Variants in PCMT1 observed in about 807,000 individuals in gnomAD.
PCMT1 encodes the protein protein-L-isoaspartate(D-aspartate) O-methyltransferase.
A neutral mutation model predicts 29.2 loss-of-function variants in PCMT1; 9 were observed. The ratio of observed to expected loss-of-function variants is 0.31; its 90% CI spans 0.19 to 0.54. PCMT1 has a LOEUF of 0.54. Among genes scored for constraint, PCMT1 ranks in the 20% least tolerant of loss-of-function variants. PCMT1 has a pLI of 0.95. For missense variants in PCMT1, 184 were observed against 282.2 expected, an observed-to-expected ratio of 0.65 and a Z score of 2.49; for synonymous variants, 98 against 97.5, an observed-to-expected ratio of 1.00 and a Z score of -0.03.
intron 3 of PCMT1, among the ~76,000 whole-genome samples, chr6:149,774,240 CTTTTCTTTTTT>C (rs1449875897): frequency 2.0e-5 from 3 of 147,288 alleles, no homozygotes; most frequent in African/African-American, 7.9e-5. Flanking sequence ...TTTTCTTTTT[CTTTTCTTTTTT>C]TTTTTTGAGA....
rs1293474870 is a variant in PCMT1 at position 149,749,931 on chromosome 6, C to T, written c.30C>T (p.His10=). The part of the protein sequence containing the change: MAWKSGGAS[H]SELIHNLRKN... Reference sequence around the variant, plus strand: ...CCTGGAAATCCGGCGGCGCCAGCCACTCGGAGCTAATCCACAATCTCCGCA... The same window carrying T: ...CCTGGAAATCCGGCGGCGCCAGCCATTCGGAGCTAATCCACAATCTCCGCA... The change falls in exon 1 of 8, where the codon CAC becomes CAT. Residue 10 remains histidine, a synonymous_variant. Transcript: ENST00000464889. 1 of 1,610,958 alleles carries T rather than the reference C, an allele frequency of 6.2e-7. No individual in the cohort carries two copies. The highest frequency in any genetic ancestry group is 8.5e-7 in the Non-Finnish European group (1 of 1,178,820).
At chr6:149,788,624 G>C (rs1788221084) in intron 3 of PCMT1, among the ~76,000 whole-genome samples, 1 of 152,226 alleles carries the variant, frequency 6.6e-6, no homozygotes, top group African/African-American at 2.4e-5. Flanking sequence ...TGATGTCAGT[G>C]TGTCCCATAA....
chr6:149,749,698 G>A (rs577477954), upstream of PCMT1: 230 of 1,489,054 alleles, frequency 1.5e-4, no homozygotes, highest in African/African-American at 3.0e-3. Flanking sequence ...AAGCCGCGCG[G>A]CGTCACAGAG....
At chr6:149,806,086 C>G (rs976289269) in intron 7 of PCMT1, among the ~76,000 whole-genome samples, 1 of 151,754 alleles carries the variant, frequency 6.6e-6, no homozygotes, top group Non-Finnish European at 1.5e-5. Context: ...AAATATTTTT[C>G]AGCGTGAGGA....
In PCMT1 at chr6:149,802,371, T is replaced by G; in HGVS notation, c.676T>G (p.Trp226Gly). Residue 226 changes from tryptophan (W) to glycine (G), a missense_variant, in exon 7 of 8, where the codon TGG becomes GGG. Physicochemically the swap from Trp to Gly is radical, Grantham distance 184 (BLOSUM62 -2). Transcript: ENST00000464889. ...LTDKEKQWSR[W>G]K Reference sequence around the variant, plus strand: ...AGATAAAGAAAAGCAGTGGTCCAGGTGGAAGTGATTTTATCTTCTGCTCTT... The same window carrying G: ...AGATAAAGAAAAGCAGTGGTCCAGGGGGAAGTGATTTTATCTTCTGCTCTT... The G allele has an allele frequency of 6.2e-7, 1 of 1,605,754 alleles. No individual in the cohort carries two copies. The highest frequency in any genetic ancestry group is 8.5e-7 in the Non-Finnish European group (1 of 1,175,202).
intron 6 of PCMT1, among the ~76,000 whole-genome samples, chr6:149,801,994 TG>T: frequency 6.6e-6 from 1 of 152,186 alleles, no homozygotes; most frequent in South Asian, 2.1e-4. Context: ...CTGGGCATGG[TG>T]GCGTGTGCCT....
intron 7 of PCMT1, 196 bp downstream of exon 7, chr6:149,802,612 T>C (rs1203972441): frequency 1.3e-5 from 8 of 625,712 alleles, no homozygotes; most frequent in Non-Finnish European, 1.3e-5. Context: ...AAAGGCTTTT[T>C]TTGTTTGTTT....
chr6:149,783,237 ATTC>A (rs1787888890), intron 3 of PCMT1, among the ~76,000 whole-genome samples: 1 of 151,998 alleles, frequency 6.6e-6, no homozygotes, highest in South Asian at 2.1e-4. Context: ...GGTTAAAGCA[ATTC>A]TTCTGCCTCA....
chr6:149,773,540 G>A (rs896179276), intron 3 of PCMT1, among the ~76,000 whole-genome samples: 1 of 152,018 alleles, frequency 6.6e-6, no homozygotes, highest in Non-Finnish European at 1.5e-5. Flanking sequence ...CACGATGCCC[G>A]GCTAATTTTT....
intron 4 of PCMT1, among the ~76,000 whole-genome samples, chr6:149,792,645 A>G (rs896638492): frequency 1.3e-5 from 2 of 151,794 alleles, no homozygotes; most frequent in African/African-American, 2.4e-5. Flanking sequence ...CCTCCTAAGT[A>G]GCTGGGACTT....
rs1439618328 is a variant in PCMT1 at position 149,758,330 on chromosome 6, C to T, written c.55+8374C>T. Among the ~76,000 whole-genome samples the T allele has an allele frequency of 2.1e-4, 31 of 151,096 alleles. No homozygotes were observed. In the Admixed American group the frequency reaches 2.1e-3, roughly 10 times the overall value. ...GGTTCAAGCAATTCTCCTGCCTCAG[C>T]CTCCTGAGTAGCTAGGATTACAGGC... On this transcript the variant is annotated intron_variant, in intron 1 of 7. Transcript: ENST00000464889.
At chr6:149,794,596 G>A (rs1318239834) in intron 5 of PCMT1, among the ~76,000 whole-genome samples, 5 of 152,068 alleles carry the variant, frequency 3.3e-5, no homozygotes, top group African/African-American at 9.7e-5. Context: ...ACAGTCTGGC[G>A]ACAGAGCTAG....
chr6:149,750,118 C>T, intron 1 of PCMT1, 162 bp downstream of exon 1: 1 of 1,001,620 alleles, frequency 1.0e-6, no homozygotes, highest in South Asian at 1.7e-5. Context: ...CTTGCAGTCG[C>T]CTCCCTCGGG....
In PCMT1 at chr6:149,772,546, C is replaced by CTGT. The variant is rs1562405134; in HGVS notation, c.161-591_161-590insGTT. ...AACTCTCAACTTACTGAAATTCTTCCTTTCTTAGCTGACTCTACAGGAGAA... is the reference window on the plus strand; with the variant it reads ...AACTCTCAACTTACTGAAATTCTTCCTGTTTTCTTAGCTGACTCTACAGGAGAA... On this transcript the variant is annotated intron_variant, in intron 2 of 7. Transcript: ENST00000464889. The CTGT allele has an allele frequency of 6.7e-6, 3 of 446,294 alleles. No homozygotes were observed. In the East Asian group the frequency reaches 2.1e-4, roughly 31 times the overall value. 27.6% of individuals were successfully genotyped at this position (446,294 alleles called of 1,614,324 possible).
At chr6:149,793,349 T>C (rs1788456975) in intron 4 of PCMT1, among the ~76,000 whole-genome samples, 200 bp from the exon 5 acceptor site, 1 of 152,202 alleles carries the variant, frequency 6.6e-6, no homozygotes, top group Admixed American at 6.5e-5. Context: ...CAAGTTTTAT[T>C]CAATGAGAGT....
At chr6:149,792,852 G>T (rs913189270) in intron 4 of PCMT1, among the ~76,000 whole-genome samples, 1 of 152,094 alleles carries the variant, frequency 6.6e-6, no homozygotes, top group Non-Finnish European at 1.5e-5. Context: ...AGAAACAAGT[G>T]TAGAAATTCC....
chr6:149,802,388 T>C lies in PCMT1; in HGVS notation c.*9T>C, dbSNP rs1051233629. 6.3e-7 allele frequency: 1 copy of C among 1,596,384 alleles called. No individual in the cohort carries two copies. Among genetic ancestry groups the C allele is most frequent in the African/African-American group, 1.3e-5 (1 of 74,348 alleles). On this transcript the variant is annotated 3_prime_UTR_variant, in exon 7 of 8. Coordinates refer to ENST00000464889, the MANE Select transcript of PCMT1 (RefSeq NM_001360452.2). Reference sequence around the variant, plus strand: ...GGTCCAGGTGGAAGTGATTTTATCTTCTGCTCTTTCTTCTTCCACACATGC... The same window carrying C: ...GGTCCAGGTGGAAGTGATTTTATCTCCTGCTCTTTCTTCTTCCACACATGC...
chr6:149,809,881 C>A (rs1776117029), intron 7 of PCMT1, among the ~76,000 whole-genome samples: 3 of 152,014 alleles, frequency 2.0e-5, no homozygotes. Context: ...CCCTAAAGTT[C>A]TTGTTTTTGT....
At position 149,773,125 on chromosome 6, in the gene PCMT1, T is replaced by C; in HGVS notation, c.161-13T>C. 1 of 1,606,368 alleles carries C rather than the reference T, an allele frequency of 6.2e-7. No individual in the cohort carries two copies. Among genetic ancestry groups the C allele is most frequent in the Non-Finnish European group, 8.5e-7 (1 of 1,173,722 alleles). On this transcript the variant is annotated splice_polypyrimidine_tract_variant and intron_variant, in intron 2 of 7. Transcript: ENST00000464889. ...CAGCTGACTGTATCAGTAGTTCTCT[T>C]CTTCTTTTGCAGGTTTCCAAGCAAC...
Sources: gnomAD v4.1 joint callset for allele counts (sites outside exome capture counted in the v4.1 genomes callset) on GRCh38, gnomAD v4.1.1 for gene constraint, MANE v1.5 for transcripts, NCBI Gene and HGNC (gene_info 2026-07-23, HGNC 2026-07-21) for gene names.